The following MECR variants were observed in gnomAD, a reference collection of about 807,000 sequenced individuals.
MECR encodes mitochondrial trans-2-enoyl-CoA reductase, also known as enoyl-[acyl-carrier-protein] reductase, mitochondrial.
MECR carries 37 observed loss-of-function variants against 49.1 expected under a neutral mutation model. The observed-to-expected ratio is 0.75, with a 90% CI of 0.58 to 0.99. The LOEUF (loss-of-function observed/expected upper bound fraction) is 0.99, where lower values mean the gene tolerates loss of function less well. MECR is among the 50% of genes least tolerant of loss of function. The pLI, the probability that MECR is intolerant of heterozygous loss-of-function variation, is 0.00. For missense variants in MECR, 470 were observed against 479.6 expected (o/e 0.98, Z 0.19); for synonymous variants, 198 against 191.1 (o/e 1.04, Z -0.30).
chr1:29,180,618 C>A, the MECR span, among the ~76,000 whole-genome samples: 1 of 152,096 alleles, frequency 6.6e-6, no homozygotes, highest in African/African-American at 2.4e-5. Context: ...CTTTTTTAAG[C>A]CAAGAGTTCT....
the MECR span, among the ~76,000 whole-genome samples, chr1:29,176,660 G>A: frequency 4.6e-5 from 7 of 152,032 alleles, no homozygotes; most frequent in Admixed American, 4.6e-4. Context: ...AGTATCTAAG[G>A]CTTAATAATG....
rs188914532 is a variant in MECR, at chr1:29,230,258, A to G, written c.176+473T>C. ...ACACATGAAGATCCAAATGGATGTAAAAGTATTCTGAAAACTTCTTCCAAA... is the reference window on the plus strand; with the variant it reads ...ACACATGAAGATCCAAATGGATGTAGAAGTATTCTGAAAACTTCTTCCAAA... On this transcript the variant is annotated intron_variant, in intron 1 of 9. Transcript: ENST00000263702. 2.6e-3 allele frequency: 445 copies of G among 168,810 alleles called. 1 individual carries two copies. The highest frequency in any genetic ancestry group is 9.7e-3 in the African/African-American group (405 of 41,636). 10.5% of individuals were successfully genotyped at this position (168,810 alleles called of 1,614,324 possible). A position where few individuals can be genotyped will look rare whatever the true frequency, so the allele number is the denominator to read the frequency against.
the MECR span, among the ~76,000 whole-genome samples, chr1:29,175,475 C>T: frequency 6.6e-6 from 1 of 150,866 alleles, no homozygotes; most frequent in African/African-American, 2.4e-5. Context: ...GCGGGTGGAT[C>T]ATGAGGTCAG....
chr1:29,230,924 C>A lies in MECR; in HGVS notation c.-18G>T. ...ACCCACATGCTCGCTCCAACCAACA[C>A]AGAGCCTGACGCCCCGGCTACGTCA... On this transcript the variant is annotated 5_prime_UTR_variant, in exon 1 of 10. Coordinates refer to ENST00000263702, the MANE Select transcript of MECR (RefSeq NM_016011.5). The A allele has an allele frequency of 6.4e-7, 1 of 1,568,968 alleles. No homozygotes were observed. Among genetic ancestry groups the A allele is most frequent in the Non-Finnish European group, 8.6e-7 (1 of 1,163,814 alleles).
chr1:29,181,995 G>A, the MECR span: 2 of 351,252 alleles, frequency 5.7e-6, no homozygotes, highest in South Asian at 1.6e-4. Context: ...GGCCAGGACT[G>A]GGGGAGGAGC....
chr1:29,189,928 C>A (rs1271980516), downstream of MECR, among the ~76,000 whole-genome samples: 1 of 152,176 alleles, frequency 6.6e-6, no homozygotes, highest in Non-Finnish European at 1.5e-5. Context: ...TAAGTTAAAC[C>A]ATTGAATTTG....
intron 3 of MECR, among the ~76,000 whole-genome samples, chr1:29,210,187 A>G (rs2151881755): frequency 6.6e-6 from 1 of 151,626 alleles, no homozygotes. Context: ...ATTTTTTTGT[A>G]TTTTTTAGTA....
At chr1:29,188,037 A>AAAT (rs386366595), downstream of MECR, among the ~76,000 whole-genome samples, 828 of 9,476 alleles carry the variant, frequency 0.087, 14 homozygotes, top group African/African-American at 0.16. Flanking sequence ...ACTCTGTCTC[A>AAAT]AAAAAAAAAA....
At chr1:29,170,472 A>T in the MECR span, 2 of 152,318 alleles carry the variant, frequency 1.3e-5, no homozygotes, top group East Asian at 3.9e-4. Context: ...GCTTCATTAA[A>T]GATGATGCCT....
At chr1:29,186,414 TTAC>T in the MECR span, among the ~76,000 whole-genome samples, 2 of 152,202 alleles carry the variant, frequency 1.3e-5, no homozygotes, top group African/African-American at 4.8e-5. Context: ...TTCACAACAC[TTAC>T]TACACAGTCT....
the MECR span, chr1:29,170,933 T>C: frequency 6.6e-6 from 1 of 152,214 alleles, no homozygotes; most frequent in African/African-American, 2.4e-5. Flanking sequence ...CTTCAGACAT[T>C]GCGTGCAGTT....
chr1:29,205,172 TTTTTGTTTTG>T (rs150331072), intron 4 of MECR, among the ~76,000 whole-genome samples: 40 of 151,600 alleles, frequency 2.6e-4, no homozygotes, highest in South Asian at 8.4e-4. Flanking sequence ...CAAGGGTTAG[TTTTTGTTTTG>T]TTTTGTTTTG....
At position 29,201,235 on chromosome 1, in the gene MECR, C is replaced by A. The variant is rs1574295766; in HGVS notation, c.757-646G>T. On this transcript the variant is annotated intron_variant, in intron 6 of 9. Coordinates refer to ENST00000263702, the MANE Select transcript of MECR (RefSeq NM_016011.5). This position sits in a 1 kb window ranked among gnomAD's most constrained non-coding sequence, Gnocchi z 4.3. ...TCAGCTCCCTGTGTGCCCCCCTTTTCAGTTCTTTGACTCAGCTGATATTAT... is the reference window on the plus strand; with the variant it reads ...TCAGCTCCCTGTGTGCCCCCCTTTTAAGTTCTTTGACTCAGCTGATATTAT... 2.9e-6 allele frequency: 1 copy of A among 350,606 alleles called. No homozygotes were observed. Among genetic ancestry groups the A allele is most frequent in the South Asian group, 2.3e-5 (1 of 44,402 alleles). 21.7% of individuals were successfully genotyped at this position (350,606 alleles called of 1,614,324 possible).
chr1:29,175,435 C>T, the MECR span, among the ~76,000 whole-genome samples: 2 of 151,292 alleles, frequency 1.3e-5, no homozygotes, highest in Non-Finnish European at 2.9e-5. Flanking sequence ...GTGGCTCACG[C>T]CTGTAATCCC....
chr1:29,171,841 C>T, the MECR span: 1 of 152,144 alleles, frequency 6.6e-6, no homozygotes, highest in Middle Eastern at 3.4e-3. Flanking sequence ...CATACAGTAC[C>T]TCAATGAGAA....
intron 1 of MECR, among the ~76,000 whole-genome samples, chr1:29,225,390 C>T (rs542794649): frequency 3.3e-5 from 5 of 152,120 alleles, no homozygotes; most frequent in East Asian, 1.9e-4. Flanking sequence ...ACTCAGTTTA[C>T]ACCCTGTCTC....
chr1:29,168,521 A>G, the MECR span: 1 of 152,128 alleles, frequency 6.6e-6, no homozygotes, highest in East Asian at 1.9e-4. Context: ...AGGGTGAAGC[A>G]CCTCTAAGCT....
At chr1:29,215,624 A>G (rs1185420996) in intron 3 of MECR, among the ~76,000 whole-genome samples, 1 of 151,612 alleles carries the variant, frequency 6.6e-6, no homozygotes, top group Non-Finnish European at 1.5e-5. Context: ...CAGTCCCAGC[A>G]TTTTGGGAGG....
chr1:29,203,327 T>A, intron 4 of MECR, 94 bp from the exon 5 acceptor site: 1 of 937,606 alleles, frequency 1.1e-6, no homozygotes, highest in Non-Finnish European at 1.6e-6. Flanking sequence ...GGCAAGGGAG[T>A]CCTCAGGCTC....
Sources: allele counts gnomAD v4.1 joint callset (sites outside exome capture counted in the v4.1 genomes callset), GRCh38; gene constraint gnomAD v4.1.1; non-coding constraint Gnocchi (gnomAD v3.1); transcripts MANE v1.5; gene names NCBI Gene and HGNC (gene_info 2026-07-23, HGNC 2026-07-21).